Variants in ZRANB3 observed in about 807,000 individuals in gnomAD.
ZRANB3 encodes zinc finger RANBP2-type containing 3.
A neutral mutation model predicts 133.8 loss-of-function variants in ZRANB3; 125 were observed. That is an observed-to-expected ratio of 0.93 (90% CI 0.81 to 1.08). ZRANB3 has a LOEUF of 1.08. Among genes scored for constraint, ZRANB3 ranks in the 50% least tolerant of loss-of-function variants. ZRANB3 has a pLI of 0.00. For synonymous variants in ZRANB3, 387 were observed against 432.7 expected (o/e 0.89, Z 1.31); for missense variants, 1,229 against 1,275.5 (o/e 0.96, Z 0.56).
intron 2 of ZRANB3, among the ~76,000 whole-genome samples, chr2:135,394,953 C>CAAA (rs113220872): frequency 0.012 from 493 of 41,466 alleles, no homozygotes; most frequent in Middle Eastern, 0.062. Flanking sequence ...CTTGTCTCTA[C>CAAA]AAAAAAAAAA....
intron 10 of ZRANB3, among the ~76,000 whole-genome samples, chr2:135,270,932 T>G (rs1303835212): frequency 6.6e-6 from 1 of 152,234 alleles, no homozygotes; most frequent in Non-Finnish European, 1.5e-5. Flanking sequence ...TGGCAGAGAC[T>G]GCCATTACTT....
chr2:135,430,298 A>G (rs1689263596), intron 2 of ZRANB3, among the ~76,000 whole-genome samples: 1 of 152,190 alleles, frequency 6.6e-6, no homozygotes, highest in Admixed American at 6.5e-5. Context: ...ATATGATCGC[A>G]GGAACTATGT....
At chr2:135,481,495 AT>A (rs1449490454) in intron 2 of ZRANB3, among the ~76,000 whole-genome samples, 1 of 151,992 alleles carries the variant, frequency 6.6e-6, no homozygotes, top group Non-Finnish European at 1.5e-5. Flanking sequence ...GTTTGAGTTC[AT>A]TGTAGATTCT....
At chr2:135,512,727 AAAAT>A (rs1357342154) in intron 1 of ZRANB3, among the ~76,000 whole-genome samples, 1 of 151,884 alleles carries the variant, frequency 6.6e-6, no homozygotes, top group East Asian at 1.9e-4. Context: ...AAAAATTATT[AAAAT>A]AAAGAAAAGC....
chr2:135,276,090 C>CA (rs1191686075), intron 8 of ZRANB3, among the ~76,000 whole-genome samples: 5 of 151,428 alleles, frequency 3.3e-5, no homozygotes, highest in Non-Finnish European at 7.4e-5. Flanking sequence ...AGGTGATTTT[C>CA]AAAAAAGTTT....
chr2:135,454,842 T>A (rs1388242767), intron 2 of ZRANB3, among the ~76,000 whole-genome samples: 1 of 152,228 alleles, frequency 6.6e-6, no homozygotes, highest in Non-Finnish European at 1.5e-5. Flanking sequence ...CATTGGCTGA[T>A]GGGCACTTAT....
chr2:135,269,267 C>A, intron 10 of ZRANB3, 126 bp from the exon 11 acceptor site: 3 of 702,788 alleles, frequency 4.3e-6, no homozygotes, highest in Non-Finnish European at 4.1e-6. Flanking sequence ...TATTTTAGGC[C>A]AAATTAAGAT....
At position 135,219,124 on chromosome 2, in the gene ZRANB3, A is replaced by G; in HGVS notation, c.2305T>C (p.Trp769Arg). 2 of 1,539,700 alleles carry G rather than the reference A, an allele frequency of 1.3e-6. No individual in the cohort carries two copies. The highest frequency in any genetic ancestry group is 1.7e-6 in the Non-Finnish European group (2 of 1,147,816). Residue 769 changes from tryptophan (W) to arginine (R), a missense_variant, in exon 16 of 21, where the codon TGG (tryptophan) becomes CGG (arginine). Trp to Arg is a moderately radical substitution (Grantham distance 101, BLOSUM62 -3). Coordinates refer to ENST00000264159, the MANE Select transcript of ZRANB3 (RefSeq NM_032143.4). The stretch of plus-strand genomic sequence containing the variant: ...TGAAAGCTTGCTGGTAAATCTTCCC[A>G]AAGGTCTAATTTTATATCCAGAGGA... The part of the protein sequence containing the change: ...FIPLDIKLDL[W>R]EDLPASFQLK...
At chr2:135,406,088 G>A (rs553105891) in intron 2 of ZRANB3, among the ~76,000 whole-genome samples, 7 of 152,088 alleles carry the variant, frequency 4.6e-5, no homozygotes, top group African/African-American at 1.7e-4. Flanking sequence ...GACTAATAAA[G>A]AAGAAAAGAG....
chr2:135,217,533 T>C lies in ZRANB3; in HGVS notation c.2427A>G (p.Leu809=), dbSNP rs745938329. The change falls in exon 17 of 21, where the codon CTA becomes CTG. Residue 809 remains leucine (L), a synonymous_variant. Coordinates refer to ENST00000264159, the MANE Select transcript of ZRANB3 (RefSeq NM_032143.4). The stretch of plus-strand genomic sequence containing the variant: ...CCAAAGCAAGAATTGGGCTACAGAA[T>C]AGCTGTCCACTTTTCCTGATTATCC... The part of the protein sequence containing the change: ...KQRIIRKSGQ[L]FCSPILALEE... The C allele has an allele frequency of 1.9e-6, 3 of 1,613,830 alleles. No homozygotes were observed. The highest frequency in any genetic ancestry group is 2.2e-5 in the East Asian group (1 of 44,864).
intron 12 of ZRANB3, among the ~76,000 whole-genome samples, chr2:135,243,757 T>A (rs1445768865): frequency 3.3e-5 from 5 of 152,136 alleles, no homozygotes; most frequent in Non-Finnish European, 7.4e-5. Flanking sequence ...TAGCTGGGAC[T>A]ACAGGTGCAT....
Position 135,419,172 on chromosome 2 carries a change from C to T in ZRANB3, c.162-28352G>A, listed in dbSNP as rs540093828. 1.4e-4 allele frequency among the ~76,000 whole-genome samples: 21 copies of T among 151,690 alleles called. No homozygotes were observed. The South Asian group carries it at 2.5e-3, about 18-fold the overall frequency. ...CAGGATGTTCTCGATCTCCTGACCTCGTGATCCACCCGCCTCAACCTCCCA... is the reference window on the plus strand; with the variant it reads ...CAGGATGTTCTCGATCTCCTGACCTTGTGATCCACCCGCCTCAACCTCCCA... On this transcript the variant is annotated intron_variant, in intron 2 of 20. Transcript: ENST00000264159.
intron 14 of ZRANB3, among the ~76,000 whole-genome samples, chr2:135,224,899 T>C (rs1694698831): frequency 6.6e-6 from 1 of 152,168 alleles, no homozygotes; most frequent in African/African-American, 2.4e-5. Context: ...GAGCATCATT[T>C]TGATTATTAG....
intron 2 of ZRANB3, among the ~76,000 whole-genome samples, chr2:135,480,723 C>T (rs1691748910): frequency 6.7e-6 from 1 of 149,064 alleles, no homozygotes; most frequent in South Asian, 2.2e-4. Flanking sequence ...ACTAACTCGT[C>T]ATCTAGCATT....
chr2:135,514,335 T>C (rs1011706304), intron 1 of ZRANB3, among the ~76,000 whole-genome samples: 1 of 152,200 alleles, frequency 6.6e-6, no homozygotes, highest in African/African-American at 2.4e-5. Context: ...GGTTTGTAGT[T>C]CTCCTTGAAG....
chr2:135,358,853 G>C (rs1685550816), intron 3 of ZRANB3, among the ~76,000 whole-genome samples: 4 of 151,996 alleles, frequency 2.6e-5, no homozygotes, highest in African/African-American at 9.7e-5. Context: ...CGAAAGTGTG[G>C]GTGCTATTTC....
chr2:135,421,241 G>A (rs1366793700), intron 2 of ZRANB3, among the ~76,000 whole-genome samples: 1 of 152,158 alleles, frequency 6.6e-6, no homozygotes, highest in African/African-American at 2.4e-5. Flanking sequence ...TGATAGAATT[G>A]TGTAGCTGTT....
chr2:135,459,839 C>A (rs907487783), intron 2 of ZRANB3, among the ~76,000 whole-genome samples: 1 of 152,052 alleles, frequency 6.6e-6, no homozygotes, highest in African/African-American at 2.4e-5. Flanking sequence ...ATTAATTTGA[C>A]AGCAGCCAAA....
At chr2:135,362,233 A>G (rs1014197943) in intron 3 of ZRANB3, among the ~76,000 whole-genome samples, 9 of 152,034 alleles carry the variant, frequency 5.9e-5, no homozygotes, top group African/African-American at 1.9e-4. Flanking sequence ...TAGTGTGTGT[A>G]CATTTCAATT....
Sources: gnomAD v4.1 joint callset for allele counts (sites outside exome capture counted in the v4.1 genomes callset) on GRCh38, gnomAD v4.1.1 for gene constraint, MANE v1.5 for transcripts, NCBI Gene and HGNC (gene_info 2026-07-23, HGNC 2026-07-21) for gene names.